DOCK7: variants seen among roughly 807,000 people sequenced by gnomAD.
DOCK7 encodes the protein dedicator of cytokinesis protein 7.
A neutral mutation model predicts 271.0 loss-of-function variants in DOCK7; 138 were observed. The ratio of observed to expected loss-of-function variants is 0.51; its 90% CI spans 0.44 to 0.59. The LOEUF (loss-of-function observed/expected upper bound fraction) is 0.59. Ranked by LOEUF, DOCK7 falls within the 20% of genes least tolerant of loss-of-function variation. The pLI, the probability that DOCK7 is intolerant of heterozygous loss-of-function variation, is 0.00. For missense variants in DOCK7, 2,066 were observed against 2,592.4 expected, an observed-to-expected ratio of 0.80 and a Z score of 4.41; for synonymous variants, 823 against 876.1, an observed-to-expected ratio of 0.94 and a Z score of 1.07.
intron 22 of DOCK7, among the ~76,000 whole-genome samples, chr1:62,547,541 T>G (rs1645751645): frequency 6.6e-6 from 1 of 152,166 alleles, no homozygotes; most frequent in African/African-American, 2.4e-5. Flanking sequence ...AAGATTTTAC[T>G]TCATATCCAC....
chr1:62,550,136 G>A (rs1248550147), intron 22 of DOCK7, among the ~76,000 whole-genome samples: 1 of 152,132 alleles, frequency 6.6e-6, no homozygotes, highest in Non-Finnish European at 1.5e-5. Flanking sequence ...AAAAACAATA[G>A]CATGCCTATA....
At chr1:62,472,548 A>G (rs1645861872) in intron 48 of DOCK7, among the ~76,000 whole-genome samples, 1 of 152,222 alleles carries the variant, frequency 6.6e-6, no homozygotes, top group Admixed American at 6.5e-5. Flanking sequence ...GTCATGGCAA[A>G]ATATTCCAAA....
At chr1:62,524,957 T>TATATATTACTATAA (rs1557666274) in intron 31 of DOCK7, among the ~76,000 whole-genome samples, 1 of 82,646 alleles carries the variant, frequency 1.2e-5, no homozygotes, top group African/African-American at 6.4e-5. Flanking sequence ...ATATATATAT[T>TATATATTACTATAA]ACTATAAACT....
At chr1:62,672,075 T>G in intron 1 of DOCK7, among the ~76,000 whole-genome samples, 1 of 150,958 alleles carries the variant, frequency 6.6e-6, no homozygotes, top group East Asian at 1.9e-4. Context: ...GAGGTGAAAA[T>G]AAAAGGTCCA....
intron 31 of DOCK7, among the ~76,000 whole-genome samples, chr1:62,527,218 G>A (rs1268763183): frequency 1.3e-5 from 2 of 151,758 alleles, no homozygotes; most frequent in African/African-American, 2.4e-5. Context: ...CTTTAAGAGG[G>A]GAAAAGTTCA....
intron 7 of DOCK7, among the ~76,000 whole-genome samples, chr1:62,642,334 C>T (rs1025532930): frequency 3.9e-5 from 6 of 152,016 alleles, no homozygotes; most frequent in African/African-American, 1.5e-4. Context: ...GAACTCCTGA[C>T]CTCAGGTGAT....
chr1:62,463,407 A>T (rs1645586349), intron 48 of DOCK7, among the ~76,000 whole-genome samples: 1 of 152,212 alleles, frequency 6.6e-6, no homozygotes, highest in African/African-American at 2.4e-5. Context: ...TTTGAAAAAA[A>T]TGTGGCATCG....
rs1376044486 is a variant in DOCK7, at chr1:62,545,355, G to GAT, written c.2767-318_2767-317dup. Reference sequence around the variant, plus strand: ...ACCACACCCCCAAACTTTCTTTAAAGATAGTACAAGTTAGCAACAGGTAAT... The same window carrying GAT: ...ACCACACCCCCAAACTTTCTTTAAAGATATAGTACAAGTTAGCAACAGGTAAT... On this transcript the variant is annotated intron_variant, in intron 22 of 49. Transcript: ENST00000635253. 2.0e-5 allele frequency among the ~76,000 whole-genome samples: 3 copies of GAT among 152,140 alleles called. No homozygotes were observed. In the South Asian group the frequency reaches 6.2e-4, roughly 32 times the overall value.
At chr1:62,666,934 C>G (rs1262378449) in intron 1 of DOCK7, among the ~76,000 whole-genome samples, 1 of 152,212 alleles carries the variant, frequency 6.6e-6, no homozygotes, top group Non-Finnish European at 1.5e-5. Context: ...TCCATTCCTA[C>G]AAGCTACGTA....
intron 31 of DOCK7, among the ~76,000 whole-genome samples, chr1:62,516,164 T>C (rs539916221): frequency 4.6e-5 from 7 of 152,212 alleles, no homozygotes; most frequent in Non-Finnish European, 1.0e-4. Context: ...GGGGAAAGGA[T>C]AGTATATCTT....
chr1:62,503,647 C>T (rs767179475), intron 37 of DOCK7, among the ~76,000 whole-genome samples: 13 of 151,980 alleles, frequency 8.6e-5, no homozygotes, highest in Non-Finnish European at 2.9e-5. Context: ...TACTATGTCA[C>T]TCAGGCTGGC....
chr1:62,488,834 G>A, intron 42 of DOCK7, 100 bp downstream of exon 42: 8 of 1,460,382 alleles, frequency 5.5e-6, no homozygotes, highest in Non-Finnish European at 7.6e-6. Context: ...GATTAAAATG[G>A]TCATTTCACG....
chr1:62,542,363 T>C (rs2149399042), intron 25 of DOCK7, among the ~76,000 whole-genome samples: 1 of 152,276 alleles, frequency 6.6e-6, no homozygotes, highest in East Asian at 1.9e-4. Context: ...AAAATATAGC[T>C]AGCTTATGCA....
Position 62,539,898 on chromosome 1 carries a change from A to G in DOCK7, c.3046-6T>C. On this transcript the variant is annotated splice_region_variant and splice_polypyrimidine_tract_variant and intron_variant, in intron 25 of 49. Coordinates refer to ENST00000635253, the MANE Select transcript of DOCK7 (RefSeq NM_001367561.1). ...TGGTGCACCATGCTCTTTACCTGAA[A>G]AAAAGATATAAATTATTAATTTCCT... The G allele has an allele frequency of 6.4e-7, 1 of 1,551,648 alleles. No individual in the cohort carries two copies. Among genetic ancestry groups the G allele is most frequent in the Non-Finnish European group, 8.7e-7 (1 of 1,146,590 alleles).
At chr1:62,638,342 A>G (rs1655534431) in intron 7 of DOCK7, 1 of 151,992 alleles carries the variant, frequency 6.6e-6, no homozygotes, top group African/African-American at 2.4e-5. Context: ...TTCTAGGGGT[A>G]GTGCTTTCTG....
At chr1:62,455,485 G>A in intron 49 of DOCK7, 29 bp from the exon 50 acceptor site, 2 of 1,608,392 alleles carry the variant, frequency 1.2e-6, no homozygotes, top group Non-Finnish European at 1.7e-6. Flanking sequence ...GACATAGTTA[G>A]TTAAAGAGAA....
chr1:62,632,380 C>T (rs1166369867), intron 10 of DOCK7, among the ~76,000 whole-genome samples: 4 of 152,066 alleles, frequency 2.6e-5, no homozygotes, highest in Admixed American at 6.5e-5. Flanking sequence ...TGGGGACAGC[C>T]AGAATACTAT....
At chr1:62,685,185 C>T (rs1290542386) in intron 1 of DOCK7, among the ~76,000 whole-genome samples, 1 of 152,096 alleles carries the variant, frequency 6.6e-6, no homozygotes. Context: ...CCACAACAAC[C>T]CTACGAGGTT....
intron 14 of DOCK7, chr1:62,598,828 A>G: frequency 7.1e-7 from 1 of 1,404,094 alleles, no homozygotes; most frequent in Non-Finnish European, 1.0e-6. Context: ...TTTTAATGGT[A>G]TGTCCCATCT....
Sources: gnomAD v4.1 joint callset for allele counts (sites outside exome capture counted in the v4.1 genomes callset) on GRCh38, gnomAD v4.1.1 for gene constraint, MANE v1.5 for transcripts, NCBI Gene and HGNC (gene_info 2026-07-23, HGNC 2026-07-21) for gene names.